Variants in SV2C observed in about 807,000 individuals in gnomAD.
SV2C encodes solute carrier family 22 member B3.
Under a neutral mutation model 79.7 loss-of-function variants are expected in SV2C, and 49 were observed. The ratio of observed to expected loss-of-function variants is 0.61; its 90% CI spans 0.49 to 0.78. The LOEUF is 0.78. Ranked by LOEUF, SV2C falls within the 30% of genes least tolerant of loss-of-function variation. The pLI is 0.00. For synonymous variants in SV2C, 334 were observed against 333.2 expected (o/e 1.00, Z -0.03); for missense variants, 833 against 912.9 (o/e 0.91, Z 1.13).
intron 12 of SV2C, among the ~76,000 whole-genome samples, chr5:76,303,352 C>A (rs1748075264): frequency 6.6e-6 from 1 of 152,216 alleles, no homozygotes; most frequent in Non-Finnish European, 1.5e-5. Flanking sequence ...TCTCATTCTG[C>A]AAACAGAGCT....
At chr5:76,088,497 C>T (rs370786400) in intron 1 of SV2C, among the ~76,000 whole-genome samples, 13 of 152,228 alleles carry the variant, frequency 8.5e-5, no homozygotes, top group South Asian at 6.2e-4. Context: ...TGTCCTCACA[C>T]GGAAGGAGCA....
chr5:75,855,927 A>G, the SV2C span, among the ~76,000 whole-genome samples: 1 of 152,114 alleles, frequency 6.6e-6, no homozygotes, highest in Non-Finnish European at 1.5e-5. Context: ...CCCATTAACC[A>G]TCTCCATTTC....
chr5:75,959,521 A>T, the SV2C span, among the ~76,000 whole-genome samples: 1 of 151,976 alleles, frequency 6.6e-6, no homozygotes, highest in Non-Finnish European at 1.5e-5. Context: ...TCTCAAGTGA[A>T]TTTAAAATGT....
At chr5:76,204,694 C>A (rs1418473807) in intron 3 of SV2C, among the ~76,000 whole-genome samples, 1 of 152,164 alleles carries the variant, frequency 6.6e-6, no homozygotes, top group Non-Finnish European at 1.5e-5. Flanking sequence ...ATGCTTCAAG[C>A]CATTTTAAGT....
At chr5:76,281,188 A>G in intron 4 of SV2C, 3 of 535,246 alleles carry the variant, frequency 5.6e-6, no homozygotes, top group Non-Finnish European at 1.1e-5. Flanking sequence ...CCTTAAAAAA[A>G]GTAAGCCGAC....
chr5:75,926,047 G>C, the SV2C span, among the ~76,000 whole-genome samples: 1 of 152,134 alleles, frequency 6.6e-6, no homozygotes, highest in Non-Finnish European at 1.5e-5. Context: ...GGTTGAAATG[G>C]CTTCTGTTAA....
chr5:76,317,835 G>A (rs1396639882), intron 12 of SV2C, among the ~76,000 whole-genome samples: 2 of 151,714 alleles, frequency 1.3e-5, no homozygotes, highest in Admixed American at 1.3e-4. Flanking sequence ...CCTCAAAAAT[G>A]TAGCACTTAA....
chr5:76,289,439 A>C (rs1272663744), intron 6 of SV2C, among the ~76,000 whole-genome samples: 1 of 152,160 alleles, frequency 6.6e-6, no homozygotes, highest in Non-Finnish European at 1.5e-5. Context: ...GGGGTGGGGA[A>C]AGATGGCATC....
chr5:76,157,902 G>A (rs1454645289), intron 2 of SV2C, among the ~76,000 whole-genome samples: 1 of 151,712 alleles, frequency 6.6e-6, no homozygotes, highest in East Asian at 1.9e-4. Flanking sequence ...CACAAAAGGG[G>A]AGAAAAGGGA....
the SV2C span, among the ~76,000 whole-genome samples, chr5:75,987,780 A>C: frequency 6.6e-6 from 1 of 152,038 alleles, no homozygotes; most frequent in Admixed American, 6.6e-5. Flanking sequence ...AAAATAAAGC[A>C]ATCACTACTG....
intron 3 of SV2C, among the ~76,000 whole-genome samples, chr5:76,197,373 A>T (rs1264741706): frequency 6.6e-6 from 1 of 152,090 alleles, no homozygotes; most frequent in Non-Finnish European, 1.5e-5. Flanking sequence ...GGCTTTTTAA[A>T]TTTCAAGTCT....
At chr5:76,105,872 ATCCG>A (rs1345615819) in intron 1 of SV2C, among the ~76,000 whole-genome samples, 7 of 151,920 alleles carry the variant, frequency 4.6e-5, no homozygotes, top group African/African-American at 1.7e-4. Context: ...CTTTCCTGTG[ATCCG>A]GGGAGCAATC....
chr5:76,023,613 T>G, the SV2C span, among the ~76,000 whole-genome samples: 1 of 149,218 alleles, frequency 6.7e-6, no homozygotes, highest in Non-Finnish European at 1.5e-5. Flanking sequence ...ATGAATACTT[T>G]CATACTTTTC....
At chr5:76,342,284 C>T (rs1252463733) in intron 12 of SV2C, among the ~76,000 whole-genome samples, 1 of 152,200 alleles carries the variant, frequency 6.6e-6, no homozygotes, top group African/African-American at 2.4e-5. Flanking sequence ...CTTGTCAGAT[C>T]AGAGAAGCTA....
chr5:76,204,499 G>C (rs1744549875), intron 3 of SV2C, among the ~76,000 whole-genome samples: 1 of 152,150 alleles, frequency 6.6e-6, no homozygotes, highest in Non-Finnish European at 1.5e-5. Context: ...CCATCTTCCA[G>C]TGGAAATGGG....
chr5:75,972,388 G>T, the SV2C span, among the ~76,000 whole-genome samples: 3 of 151,976 alleles, frequency 2.0e-5, no homozygotes, highest in Non-Finnish European at 4.4e-5. Flanking sequence ...GAGTGAACAG[G>T]CAACCTACAA....
chr5:76,046,316 A>G, the SV2C span, among the ~76,000 whole-genome samples: 1 of 152,166 alleles, frequency 6.6e-6, no homozygotes, highest in Non-Finnish European at 1.5e-5. Context: ...AATATGCTAA[A>G]ATAAAGACAC....
the SV2C span, among the ~76,000 whole-genome samples, chr5:76,072,207 T>C: frequency 6.6e-6 from 1 of 152,170 alleles, no homozygotes; most frequent in Non-Finnish European, 1.5e-5. Flanking sequence ...GTTCCTTATA[T>C]AGAAAAACTC....
rs148413905 is a variant in SV2C at position 76,104,122 on chromosome 5, G to T, written c.-102+20610G>T. Among the ~76,000 whole-genome samples, 901 of 152,332 alleles carry T rather than the reference G, an allele frequency of 5.9e-3. 10 individuals are homozygous for T. The highest frequency in any genetic ancestry group is 0.02 in the African/African-American group (815 of 41,580). ...ACATCAGAATAAAAGTCAGCAGAGA[G>T]GAGTGACAGGATATATGATAGCTGT... On this transcript the variant is annotated intron_variant, in intron 1 of 12. Coordinates refer to ENST00000502798, the MANE Select transcript of SV2C (RefSeq NM_014979.4).
Sources: gnomAD v4.1 joint callset for allele counts (sites outside exome capture counted in the v4.1 genomes callset) on GRCh38, gnomAD v4.1.1 for gene constraint, MANE v1.5 for transcripts, NCBI Gene and HGNC (gene_info 2026-07-23, HGNC 2026-07-21) for gene names.